Variants in ACYP2 observed in about 807,000 individuals in gnomAD.
ACYP2 encodes the protein acylphosphatase 2.
ACYP2 carries 12 observed loss-of-function variants against 11.2 expected under a neutral mutation model. That is an observed-to-expected ratio of 1.08 (90% CI 0.69 to 1.74). The LOEUF is 1.74. Ranked by LOEUF, ACYP2 falls within the 40% of genes most tolerant of loss-of-function variation. The pLI is 0.00. For missense variants in ACYP2, 134 were observed against 101.9 expected, an observed-to-expected ratio of 1.31 and a Z score of -1.35; for synonymous variants, 43 against 32.2, an observed-to-expected ratio of 1.33 and a Z score of -1.13.
chr2:54,218,457 G>A (rs922348704), intron 6 of ACYP2, among the ~76,000 whole-genome samples: 2 of 152,140 alleles, frequency 1.3e-5, no homozygotes, highest in Non-Finnish European at 2.9e-5. Context: ...GGGATCATAT[G>A]TATTTATTTT....
chr2:54,229,786 A>G (rs938166129), intron 6 of ACYP2, among the ~76,000 whole-genome samples: 5 of 152,182 alleles, frequency 3.3e-5, no homozygotes, highest in Admixed American at 6.5e-5. Flanking sequence ...GTTTTTTAAG[A>G]ACCTAATTTA....
intron 2 of ACYP2, among the ~76,000 whole-genome samples, chr2:54,044,956 C>T (rs1675434566): frequency 6.6e-6 from 1 of 152,186 alleles, no homozygotes; most frequent in Non-Finnish European, 1.5e-5. Context: ...ACTCTTTGAC[C>T]TGCTTCCTCA....
chr2:54,054,304 C>A (rs185877105), intron 3 of ACYP2, among the ~76,000 whole-genome samples: 6 of 152,324 alleles, frequency 3.9e-5, no homozygotes, highest in Non-Finnish European at 8.8e-5. Flanking sequence ...CAGATAGTTT[C>A]TAGATTAGGT....
chr2:53,983,209 A>C (rs1435109178), intron 2 of ACYP2, among the ~76,000 whole-genome samples: 1 of 152,142 alleles, frequency 6.6e-6, no homozygotes, highest in Non-Finnish European at 1.5e-5. Context: ...GAAATGATTC[A>C]GCTAAGAAAA....
chr2:54,015,813 A>C (rs1673655356), intron 2 of ACYP2, among the ~76,000 whole-genome samples: 1 of 152,062 alleles, frequency 6.6e-6, no homozygotes, highest in African/African-American at 2.4e-5. Context: ...TGTAATCTAG[A>C]GTAGATTACA....
intron 6 of ACYP2, among the ~76,000 whole-genome samples, chr2:54,238,547 A>G (rs899628716): frequency 1.3e-5 from 2 of 152,306 alleles, no homozygotes; most frequent in Admixed American, 1.3e-4. Context: ...AGTATCATTG[A>G]TCATATTTCT....
At chr2:54,187,031 C>G (rs1684038592) in intron 6 of ACYP2, among the ~76,000 whole-genome samples, 1 of 151,646 alleles carries the variant, frequency 6.6e-6, no homozygotes, top group Non-Finnish European at 1.5e-5. Context: ...TTTTTTCATC[C>G]ATAGGAAAAT....
Position 53,972,615 on chromosome 2 carries a change from AAAAG to A in ACYP2, c.-36-1096_-36-1093del, listed in dbSNP as rs548195971. Among the ~76,000 whole-genome samples the A allele has an allele frequency of 3.6e-4, 55 of 152,352 alleles. No homozygotes were observed. In the East Asian group the frequency reaches 0.01, roughly 28 times the overall value. On this transcript the variant is annotated intron_variant, in intron 1 of 6. Coordinates refer to ENST00000607452, the MANE Select transcript of ACYP2 (RefSeq NM_001320586.2). ...GAGCGAGACTCCGTCTCAAAAAAAA[AAAAG>A]AGTCACTCTGGCTTCGTCTGGAAAA...
chr2:53,982,876 T>C (rs1671842558), intron 2 of ACYP2, among the ~76,000 whole-genome samples: 1 of 123,792 alleles, frequency 8.1e-6, no homozygotes, highest in Non-Finnish European at 1.7e-5. Flanking sequence ...GTGTGTGTGA[T>C]ATAAATAGGT....
At chr2:54,200,611 G>T (rs1684714716) in intron 6 of ACYP2, among the ~76,000 whole-genome samples, 1 of 152,088 alleles carries the variant, frequency 6.6e-6, no homozygotes, top group South Asian at 2.1e-4. Flanking sequence ...ATATTTTATG[G>T]CCGAATAACA....
At chr2:54,294,316 T>C (rs1055259889) in intron 6 of ACYP2, among the ~76,000 whole-genome samples, 1 of 152,192 alleles carries the variant, frequency 6.6e-6, no homozygotes, top group African/African-American at 2.4e-5. Context: ...CTATGTTGAT[T>C]TCCATTTCTA....
chr2:54,139,411 G>C (rs573424908), intron 6 of ACYP2, among the ~76,000 whole-genome samples: 35 of 152,288 alleles, frequency 2.3e-4, no homozygotes, highest in Admixed American at 5.9e-4. Context: ...AATCCTTGAA[G>C]TCCAAGAGAG....
intron 6 of ACYP2, among the ~76,000 whole-genome samples, chr2:54,215,742 A>G (rs774391499): frequency 6.6e-6 from 1 of 152,172 alleles, no homozygotes; most frequent in Non-Finnish European, 1.5e-5. Flanking sequence ...TTTCCATGTC[A>G]GTAAATATAT....
At chr2:54,287,476 C>T (rs1569087) in intron 6 of ACYP2, among the ~76,000 whole-genome samples, 6,001 of 152,044 alleles carry the variant, frequency 0.039, 166 homozygotes, top group South Asian at 0.1. Context: ...TGAACATGGG[C>T]CAGCCTTAGT....
intron 6 of ACYP2, among the ~76,000 whole-genome samples, chr2:54,155,455 C>T: frequency 6.6e-6 from 1 of 152,132 alleles, no homozygotes; most frequent in Non-Finnish European, 1.5e-5. Flanking sequence ...GGAACTGGAC[C>T]ACACAGCAGG....
intron 2 of ACYP2, among the ~76,000 whole-genome samples, chr2:54,005,103 T>A (rs1355676863): frequency 6.6e-6 from 1 of 151,988 alleles, no homozygotes; most frequent in African/African-American, 2.4e-5. Flanking sequence ...AGCCTTAAAT[T>A]TAAGGTCATC....
intron 6 of ACYP2, among the ~76,000 whole-genome samples, chr2:54,200,841 A>G (rs891687634): frequency 6.7e-6 from 1 of 150,348 alleles, no homozygotes; most frequent in African/African-American, 2.5e-5. Flanking sequence ...GCTGTTTTCC[A>G]AAAGTGTCTG....
At chr2:53,971,897 G>A (rs771127664) in intron 1 of ACYP2, among the ~76,000 whole-genome samples, 3 of 152,348 alleles carry the variant, frequency 2.0e-5, no homozygotes, top group Middle Eastern at 3.4e-3. Flanking sequence ...GCGTAAGAGA[G>A]GGGACGGAGA....
intron 6 of ACYP2, among the ~76,000 whole-genome samples, chr2:54,174,919 G>T (rs1683375132): frequency 6.6e-6 from 1 of 152,172 alleles, no homozygotes; most frequent in African/African-American, 2.4e-5. Context: ...TGTGCTGCTG[G>T]ATTCTCTTTG....
Sources: gnomAD v4.1 joint callset for allele counts (sites outside exome capture counted in the v4.1 genomes callset) on GRCh38, gnomAD v4.1.1 for gene constraint, MANE v1.5 for transcripts, NCBI Gene and HGNC (gene_info 2026-07-23, HGNC 2026-07-21) for gene names.